Variants in MED8 observed in about 807,000 individuals in gnomAD.
The protein encoded by MED8 is mediator complex subunit 8, also known as mediator of RNA polymerase II transcription subunit 8.
In MED8, 22 loss-of-function variants were observed where a neutral mutation model predicts 34.8. The observed-to-expected ratio is 0.63, with a 90% CI of 0.45 to 0.90. The LOEUF is 0.90. Among genes scored for constraint, MED8 ranks in the 40% least tolerant of loss-of-function variants. The probability of loss-of-function intolerance (pLI) is 0.00; values close to 1 mark genes in which losing one functional copy is unlikely to be tolerated. For missense variants in MED8, 260 were observed against 326.3 expected (o/e 0.80, Z 1.57); for synonymous variants, 105 against 120.2 (o/e 0.87, Z 0.83).
At chr1:43,388,622 G>A in intron 1 of MED8, 194 bp from the exon 2 acceptor site, 1 of 848,226 alleles carries the variant, frequency 1.2e-6, no homozygotes, top group Middle Eastern at 3.7e-4. Flanking sequence ...CTTCCAACCT[G>A]TTTGCCTGAC....
Position 43,385,750 on chromosome 1 carries a change from A to C in MED8, c.742+228T>G. The C allele has an allele frequency of 1.9e-5, 11 of 591,500 alleles. No homozygotes were observed. The South Asian group carries it at 2.2e-4, about 12-fold the overall frequency. 36.6% of individuals were successfully genotyped at this position (591,500 alleles called of 1,614,324 possible). On this transcript the variant is annotated intron_variant, in intron 6 of 6. Transcript: ENST00000372457. ...GACACAGAGATGTGAGATGCGGATG[A>C]GAAATTGGAGCAGTTTCTGTTACTC...
At chr1:43,388,644 C>A in intron 1 of MED8, 3 of 629,328 alleles carry the variant, frequency 4.8e-6, no homozygotes, top group South Asian at 2.2e-5. Context: ...CCAAGTCCTT[C>A]CACCAACTGA....
Position 43,387,664 on chromosome 1 carries a change from G to A in MED8, c.126-17C>T. 1 of 1,613,298 alleles carries A rather than the reference G, an allele frequency of 6.2e-7. No homozygotes were observed. Among genetic ancestry groups the A allele is most frequent in the African/African-American group, 1.3e-5 (1 of 74,980 alleles). On this transcript the variant is annotated splice_polypyrimidine_tract_variant and intron_variant, in intron 2 of 6. Coordinates refer to ENST00000372457, the MANE Select transcript of MED8 (RefSeq NM_201542.5). Reference sequence around the variant, plus strand: ...ACAGATGGCCTGGTGGTGGTAACAAGGTGTAAGAATGTTGTACCCCTTCCC... The same window carrying A: ...ACAGATGGCCTGGTGGTGGTAACAAAGTGTAAGAATGTTGTACCCCTTCCC...
Position 43,386,130 on chromosome 1 carries a change from G to C in MED8, c.590C>G (p.Ser197Ter). Residue 197 changes from serine (S) to a stop codon, truncating the protein, a stop_gained, in exon 6 of 7, where the codon TCA becomes TGA. Coordinates refer to ENST00000372457, the MANE Select transcript of MED8 (RefSeq NM_201542.5). LOFTEE classifies it high-confidence loss of function. This position sits in a 1 kb window ranked among gnomAD's most constrained non-coding sequence, Gnocchi z 4.9. Reference sequence around the variant, plus strand: ...TGCCTGGCCAGGACCACTGCTGCCTGAAGGTCTCCAATTAGATAGTCCTTT... The same window carrying C: ...TGCCTGGCCAGGACCACTGCTGCCTCAAGGTCTCCAATTAGATAGTCCTTT... ...FGKGLSNWRP[S>*]GSSGPGQAGQ... 6.2e-7 allele frequency: 1 copy of C among 1,614,060 alleles called. No individual in the cohort carries two copies. Among genetic ancestry groups the C allele is most frequent in the Non-Finnish European group, 8.5e-7 (1 of 1,179,906 alleles).
At position 43,385,120 on chromosome 1, in the gene MED8, T is replaced by TA; in HGVS notation, c.743-15dup. 1 of 1,552,362 alleles carries TA rather than the reference T, an allele frequency of 6.4e-7. No homozygotes were observed. Among genetic ancestry groups the TA allele is most frequent in the Non-Finnish European group, 8.7e-7 (1 of 1,147,386 alleles). Reference sequence around the variant, plus strand: ...TTGGCATTTTCCCTGAAAGGAACATTAAAAAAGTCATCTTAAGCAAGGTAA... The same window carrying TA: ...TTGGCATTTTCCCTGAAAGGAACATTAAAAAAAGTCATCTTAAGCAAGGTAA... On this transcript the variant is annotated splice_polypyrimidine_tract_variant and intron_variant, in intron 6 of 6. Transcript: ENST00000372457.
At chr1:43,385,782 C>G in intron 6 of MED8, 196 bp downstream of exon 6, 1 of 759,952 alleles carries the variant, frequency 1.3e-6, no homozygotes, top group South Asian at 1.8e-5. Flanking sequence ...ACTCAAAGTT[C>G]TTCCTCACTC....
At position 43,389,698 on chromosome 1, in the gene MED8, C is replaced by T. The variant is rs964485832; in HGVS notation, c.6+61G>A. ...CAACTCTTCATTCTCCTTAGCCAGC[C>T]CACTCTCGGTCCCTGTACCCGAAGC... On this transcript the variant is annotated intron_variant, in intron 1 of 6. Transcript: ENST00000372457. 7 of 1,597,166 alleles carry T rather than the reference C, an allele frequency of 4.4e-6. No individual in the cohort carries two copies. The African/African-American group carries it at 9.5e-5, about 22-fold the overall frequency.
Position 43,386,425 on chromosome 1 carries a change from A to C in MED8, c.493+164T>G, listed in dbSNP as rs1019174869. The C allele has an allele frequency of 9.7e-7, 1 of 1,028,736 alleles. No individual in the cohort carries two copies. Among genetic ancestry groups the C allele is most frequent in the Non-Finnish European group, 1.4e-6 (1 of 717,336 alleles). 63.7% of individuals were successfully genotyped at this position (1,028,736 alleles called of 1,614,324 possible). A position where few individuals can be genotyped will look rare whatever the true frequency, so the allele number is the denominator to read the frequency against. On this transcript the variant is annotated intron_variant, in intron 5 of 6. Coordinates refer to ENST00000372457, the MANE Select transcript of MED8 (RefSeq NM_201542.5). The surrounding 1 kb of genome is among the most constrained non-coding windows in gnomAD (Gnocchi z 4.9). Reference sequence around the variant, plus strand: ...TCTTCTTACTTTGCCCATTTCCTCCACTGCTTCAGTGCTGGCCTTAAATAC... The same window carrying C: ...TCTTCTTACTTTGCCCATTTCCTCCCCTGCTTCAGTGCTGGCCTTAAATAC...
At position 43,384,682 on chromosome 1, in the gene MED8, A is replaced by G. The variant is rs1647664365; in HGVS notation, c.*360T>C. 2.1e-6 allele frequency: 3 copies of G among 1,459,092 alleles called. No individual in the cohort carries two copies. The South Asian group carries it at 4.4e-5, about 22-fold the overall frequency. 90.4% of individuals were successfully genotyped at this position (1,459,092 alleles called of 1,614,324 possible). On this transcript the variant is annotated 3_prime_UTR_variant, in exon 7 of 7. Coordinates refer to ENST00000372457, the MANE Select transcript of MED8 (RefSeq NM_201542.5). The stretch of plus-strand genomic sequence containing the variant: ...ACGTGAGGCAGTATCAGATTAGGGT[A>G]AGTTCTGGATCAAGGACTGTGGAGG...
chr1:43,385,803 G>T, intron 6 of MED8, 175 bp downstream of exon 6: 1 of 975,152 alleles, frequency 1.0e-6, no homozygotes, highest in Non-Finnish European at 1.5e-6. Flanking sequence ...TCTGGTGCCT[G>T]TTGCAGAGTC....
At chr1:43,389,591 C>T (rs1231178744) in intron 1 of MED8, among the ~76,000 whole-genome samples, 168 bp downstream of exon 1, 1 of 152,172 alleles carries the variant, frequency 6.6e-6, no homozygotes, top group Non-Finnish European at 1.5e-5. Context: ...CCTCTAATCG[C>T]CGCCGCTCCC....
At position 43,388,391 on chromosome 1, in the gene MED8, A is replaced by T. The variant is rs1233952591; in HGVS notation, c.44T>A (p.Leu15Gln). The T allele has an allele frequency of 1.2e-6, 2 of 1,613,620 alleles. No individual in the cohort carries two copies. Among genetic ancestry groups the T allele is most frequent in the Non-Finnish European group, 8.5e-7 (1 of 1,179,894 alleles). ...EKQLEASLDA[L>Q]LSQVADLKNS... ...CTTCAGATCAGCCACTTGACTCAGCAGTGCATCTAATGATGCCTCAAGCTG... is the reference window on the plus strand; with the variant it reads ...CTTCAGATCAGCCACTTGACTCAGCTGTGCATCTAATGATGCCTCAAGCTG... Residue 15 changes from leucine to glutamine, a missense_variant, in exon 2 of 7, where the codon CTG (leucine) becomes CAG (glutamine). Physicochemically the swap from Leu to Gln is moderately radical, Grantham distance 113 (BLOSUM62 -2). Coordinates refer to ENST00000372457, the MANE Select transcript of MED8 (RefSeq NM_201542.5).
Position 43,386,387 on chromosome 1 carries a change from T to C in MED8, c.494-161A>G. 1 of 1,063,292 alleles carries C rather than the reference T, an allele frequency of 9.4e-7. No individual in the cohort carries two copies. 65.9% of individuals were successfully genotyped at this position (1,063,292 alleles called of 1,614,324 possible). On this transcript the variant is annotated intron_variant, in intron 5 of 6. Coordinates refer to ENST00000372457, the MANE Select transcript of MED8 (RefSeq NM_201542.5). The surrounding 1 kb of genome is among the most constrained non-coding windows in gnomAD (Gnocchi z 4.9). Reference sequence around the variant, plus strand: ...AAGAGCCAGAGGACCCCCAAGCCTATCTCAGAATTCTCTCTTCTTACTTTG... The same window carrying C: ...AAGAGCCAGAGGACCCCCAAGCCTACCTCAGAATTCTCTCTTCTTACTTTG...
chr1:43,386,933 C>T lies in MED8; in HGVS notation c.336G>A (p.Lys112=), dbSNP rs754201097. ...CCTGTTCTTCCACTTCAGGGTCAGGCTTGGTTCTCAGATGGTCAGGGACTA... is the reference window on the plus strand; with the variant it reads ...CCTGTTCTTCCACTTCAGGGTCAGGTTTGGTTCTCAGATGGTCAGGGACTA... ...HEVVPDHLRT[K]PDPEVEEQEK... The change falls in exon 4 of 7, where the codon AAG becomes AAA. Residue 112 remains lysine, a synonymous_variant. Transcript: ENST00000372457. This position sits in a 1 kb window ranked among gnomAD's most constrained non-coding sequence, Gnocchi z 4.9. 6.2e-7 allele frequency: 1 copy of T among 1,613,978 alleles called. No homozygotes were observed. The highest frequency in any genetic ancestry group is 2.2e-5 in the East Asian group (1 of 44,886).
intron 1 of MED8, 156 bp from the exon 2 acceptor site, chr1:43,388,584 G>A: frequency 7.6e-7 from 1 of 1,312,030 alleles, no homozygotes; most frequent in South Asian, 1.5e-5. Flanking sequence ...TTTGGTATTT[G>A]GGTTATAGAC....
chr1:43,385,797 GT>G lies in MED8; in HGVS notation c.742+180del, dbSNP rs372666690. 21 of 883,742 alleles carry G rather than the reference GT, an allele frequency of 2.4e-5. No homozygotes were observed. The Middle Eastern group carries it at 9.1e-4, about 38-fold the overall frequency. The allele number at this position is 883,742 out of a possible 1,614,324, so 54.7% of individuals were successfully genotyped here. ...ACTCAAAGTTCTTCCTCACTCTCTG[GT>G]GCCTGTTGCAGAGTCTCAGATGAGA... On this transcript the variant is annotated intron_variant, in intron 6 of 6. Transcript: ENST00000372457.
intron 2 of MED8, among the ~76,000 whole-genome samples, chr1:43,387,920 G>C (rs943887795): frequency 6.6e-6 from 1 of 152,212 alleles, no homozygotes; most frequent in African/African-American, 2.4e-5. Flanking sequence ...GGGCTACACT[G>C]TTATAACTAA....
chr1:43,386,426 C>T lies in MED8; in HGVS notation c.493+163G>A, dbSNP rs1647734824. The T allele has an allele frequency of 1.9e-6, 2 of 1,033,698 alleles. No homozygotes were observed. The highest frequency in any genetic ancestry group is 3.3e-5 in the South Asian group (2 of 60,858). 64.0% of individuals were successfully genotyped at this position (1,033,698 alleles called of 1,614,324 possible). A position where few individuals can be genotyped will look rare whatever the true frequency, so the allele number is the denominator to read the frequency against. On this transcript the variant is annotated intron_variant, in intron 5 of 6. Coordinates refer to ENST00000372457, the MANE Select transcript of MED8 (RefSeq NM_201542.5). This position sits in a 1 kb window ranked among gnomAD's most constrained non-coding sequence, Gnocchi z 4.9. The stretch of plus-strand genomic sequence containing the variant: ...CTTCTTACTTTGCCCATTTCCTCCA[C>T]TGCTTCAGTGCTGGCCTTAAATACA...
rs547007913 is a variant in MED8 at position 43,384,764 on chromosome 1, ATACTG to A, written c.*273_*277del. 163 of 1,425,334 alleles carry A rather than the reference ATACTG, an allele frequency of 1.1e-4. 1 individual carries two copies. The African/African-American group carries it at 2.3e-3, about 20-fold the overall frequency. The allele number at this position is 1,425,334 out of a possible 1,614,324, so 88.3% of individuals were successfully genotyped here. ...ATTTATTGAATACCCATTATTTCATATACTGTACTAAGTGCTTTACATTCATTTCC... is the reference window on the plus strand; with the variant it reads ...ATTTATTGAATACCCATTATTTCATATACTAAGTGCTTTACATTCATTTCC... On this transcript the variant is annotated 3_prime_UTR_variant, in exon 7 of 7. Coordinates refer to ENST00000372457, the MANE Select transcript of MED8 (RefSeq NM_201542.5).
Sources: gnomAD v4.1 joint callset for allele counts (sites outside exome capture counted in the v4.1 genomes callset) on GRCh38, gnomAD v4.1.1 for gene constraint, Gnocchi (gnomAD v3.1) non-coding constraint, MANE v1.5 for transcripts, NCBI Gene and HGNC (gene_info 2026-07-23, HGNC 2026-07-21) for gene names.